PPM1L: variants seen among roughly 807,000 people sequenced by gnomAD.
The protein encoded by PPM1L is protein phosphatase, Mg2+/Mn2+ dependent 1L.
In PPM1L, 13 loss-of-function variants were observed where a neutral mutation model predicts 31.4. That is an observed-to-expected ratio of 0.41 (90% CI 0.27 to 0.66). The LOEUF is 0.66. PPM1L is among the 30% of genes least tolerant of loss of function. The pLI, the probability that PPM1L is intolerant of heterozygous loss-of-function variation, is 0.29. For synonymous variants in PPM1L, 184 were observed against 175.4 expected, an observed-to-expected ratio of 1.05 and a Z score of -0.39; for missense variants, 326 against 453.7, an observed-to-expected ratio of 0.72 and a Z score of 2.56.
intron 2 of PPM1L, among the ~76,000 whole-genome samples, chr3:161,018,304 A>C (rs759684554): frequency 7.2e-5 from 11 of 152,184 alleles, no homozygotes; most frequent in Non-Finnish European, 1.5e-4. Flanking sequence ...TCATTTTACA[A>C]ATAAATTGGC....
chr3:160,847,248 G>T (rs74568898), intron 1 of PPM1L, among the ~76,000 whole-genome samples: 2,193 of 152,076 alleles, frequency 0.014, 58 homozygotes, highest in African/African-American at 0.051. Context: ...TATTTGGGGG[G>T]CAAACATGGC....
chr3:161,018,395 T>A (rs1718145651), intron 2 of PPM1L, among the ~76,000 whole-genome samples: 1 of 152,268 alleles, frequency 6.6e-6, no homozygotes, highest in African/African-American at 2.4e-5. Context: ...GGTTTTCATA[T>A]GTTCTCTCTT....
intron 2 of PPM1L, among the ~76,000 whole-genome samples, chr3:161,037,922 T>G (rs6773475): frequency 0.028 from 4,317 of 152,070 alleles, 141 homozygotes; most frequent in African/African-American, 0.084. Flanking sequence ...CAAGACTGGG[T>G]CACATTGCCT....
chr3:161,005,666 T>G (rs938728270), intron 2 of PPM1L, among the ~76,000 whole-genome samples: 1 of 152,214 alleles, frequency 6.6e-6, no homozygotes, highest in Non-Finnish European at 1.5e-5. Flanking sequence ...TGGTATATAC[T>G]TTATGGATCT....
chr3:160,944,803 A>ATATGT (rs1559896865), intron 1 of PPM1L, among the ~76,000 whole-genome samples: 2 of 59,254 alleles, frequency 3.4e-5, no homozygotes, highest in Non-Finnish European at 3.7e-5. Flanking sequence ...TATATATAAC[A>ATATGT]TATATAACAT....
At chr3:160,908,414 A>G (rs926884842) in intron 1 of PPM1L, among the ~76,000 whole-genome samples, 1 of 152,208 alleles carries the variant, frequency 6.6e-6, no homozygotes, top group Non-Finnish European at 1.5e-5. Context: ...TTTTTGCTGG[A>G]TAGTTGTTTA....
intron 1 of PPM1L, among the ~76,000 whole-genome samples, chr3:160,867,032 G>T (rs1712115680): frequency 6.6e-6 from 1 of 152,066 alleles, no homozygotes; most frequent in Non-Finnish European, 1.5e-5. Flanking sequence ...TAGGGACAGG[G>T]TCTCACTATC....
chr3:161,051,402 AC>A (rs1386219465), intron 2 of PPM1L, among the ~76,000 whole-genome samples: 6 of 150,786 alleles, frequency 4.0e-5, no homozygotes, highest in African/African-American at 1.2e-4. Context: ...ACACACACAC[AC>A]AACCATCCTG....
At chr3:160,783,988 A>C (rs80241651) in intron 1 of PPM1L, among the ~76,000 whole-genome samples, 7,460 of 152,310 alleles carry the variant, frequency 0.049, 205 homozygotes, top group East Asian at 0.071. Context: ...CAAGTATCTA[A>C]AAAGAATATA....
chr3:160,931,085 T>C (rs1396199664), intron 1 of PPM1L, among the ~76,000 whole-genome samples: 3 of 152,210 alleles, frequency 2.0e-5, no homozygotes, highest in African/African-American at 7.2e-5. Flanking sequence ...TAACTAAATG[T>C]ATAAATGACA....
intron 2 of PPM1L, among the ~76,000 whole-genome samples, chr3:161,019,954 C>A (rs1399595214): frequency 6.6e-6 from 1 of 151,862 alleles, no homozygotes; most frequent in East Asian, 1.9e-4. Flanking sequence ...GAAAAACCCC[C>A]TCTCTACTAA....
At chr3:161,009,125 T>TC (rs1243810843) in intron 2 of PPM1L, among the ~76,000 whole-genome samples, 1 of 152,194 alleles carries the variant, frequency 6.6e-6, no homozygotes, top group African/African-American at 2.4e-5. Context: ...TTTGAATGAC[T>TC]CTGATTATCA....
chr3:160,784,811 A>G (rs1286107586), intron 1 of PPM1L, among the ~76,000 whole-genome samples: 2 of 152,206 alleles, frequency 1.3e-5, no homozygotes, highest in Non-Finnish European at 2.9e-5. Flanking sequence ...AGTTGAAAGG[A>G]AAGTACTTTT....
chr3:161,064,773 C>T (rs1257626886), intron 2 of PPM1L, among the ~76,000 whole-genome samples: 1 of 152,110 alleles, frequency 6.6e-6, no homozygotes, highest in Non-Finnish European at 1.5e-5. Context: ...ACTCGAACCA[C>T]CCTCTCCCTA....
intron 1 of PPM1L, among the ~76,000 whole-genome samples, chr3:160,856,820 A>G (rs1711721416): frequency 6.6e-6 from 1 of 152,188 alleles, no homozygotes; most frequent in African/African-American, 2.4e-5. Flanking sequence ...TAAAAAAAAA[A>G]AAGAAATTCA....
At chr3:160,909,596 G>A (rs542271999) in intron 1 of PPM1L, among the ~76,000 whole-genome samples, 1 of 152,246 alleles carries the variant, frequency 6.6e-6, no homozygotes, top group East Asian at 1.9e-4. Flanking sequence ...ATGAAAGTAA[G>A]CGAGCCCTCT....
intron 2 of PPM1L, among the ~76,000 whole-genome samples, chr3:161,048,987 A>T (rs111736436): frequency 0.022 from 3,296 of 150,906 alleles, 76 homozygotes; most frequent in South Asian, 0.043. Context: ...GTAAATGACG[A>T]GTTAATGGGT....
At chr3:160,797,562 G>T (rs1712287639) in intron 1 of PPM1L, among the ~76,000 whole-genome samples, 1 of 152,204 alleles carries the variant, frequency 6.6e-6, no homozygotes. Flanking sequence ...CAGGTCAGAA[G>T]CTAAGGCTCT....
intron 1 of PPM1L, among the ~76,000 whole-genome samples, chr3:160,776,632 C>A (rs530472965): frequency 1.4e-5 from 2 of 142,950 alleles, no homozygotes; most frequent in South Asian, 4.4e-4. Flanking sequence ...GAGACAGAGT[C>A]TCACTCAGTC....
Sources: gnomAD v4.1 joint callset for allele counts (sites outside exome capture counted in the v4.1 genomes callset) on GRCh38, gnomAD v4.1.1 for gene constraint, MANE v1.5 for transcripts, NCBI Gene and HGNC (gene_info 2026-07-23, HGNC 2026-07-21) for gene names.